The following NEB variants were observed in gnomAD, a reference collection of about 807,000 sequenced individuals.
NEB encodes nemaline myopathy type 2.
Under a neutral mutation model 952.2 loss-of-function variants are expected in NEB, and 512 were observed. The observed-to-expected ratio is 0.54, with a 90% CI of 0.50 to 0.58. The LOEUF (loss-of-function observed/expected upper bound fraction) is 0.58, where lower values mean the gene tolerates loss of function less well. Ranked by LOEUF, NEB falls within the 20% of genes least tolerant of loss-of-function variation. The probability of loss-of-function intolerance (pLI) is 0.00; values close to 1 mark genes in which losing one functional copy is unlikely to be tolerated. For synonymous variants in NEB, 2,900 were observed against 3,149.8 expected (o/e 0.92, Z 2.66); for missense variants, 8,428 against 9,231.1 (o/e 0.91, Z 3.56).
intron 172 of NEB, 67 bp downstream of exon 172, chr2:151,496,874 A>ATTATT: frequency 1.4e-6 from 2 of 1,434,964 alleles, no homozygotes; most frequent in East Asian, 2.5e-5. Flanking sequence ...ATTAATATGT[A>ATTATT]TTATTTTAAA....
At chr2:151,654,153 T>C in intron 51 of NEB, 54 bp from the exon 52 acceptor site, 6 of 1,135,906 alleles carry the variant, frequency 5.3e-6, no homozygotes, top group Non-Finnish European at 7.4e-6. Context: ...AGAATATCAA[T>C]AGATTATTAG....
rs1185764590 is a variant in NEB, at chr2:151,640,128, G to A, written c.8686-68C>T. 2.6e-6 allele frequency: 4 copies of A among 1,548,288 alleles called. No homozygotes were observed. In the South Asian group the frequency reaches 3.4e-5, roughly 13 times the overall value. On this transcript the variant is annotated intron_variant, in intron 61 of 181. Transcript: ENST00000397345. ...CAATGCATTTTCATCTGAAGGATAA[G>A]AGATCAAGTAAAAGCACTCTCAAAA...
At chr2:151,696,858 AT>A (rs1255808607) in intron 16 of NEB, 123 bp from the exon 17 acceptor site, 2 of 708,864 alleles carry the variant, frequency 2.8e-6, no homozygotes, top group South Asian at 4.1e-5. Flanking sequence ...AATAAAATAT[AT>A]TTTTTTCTAA....
At chr2:151,620,592 C>A (rs1186313916) in intron 72 of NEB, among the ~76,000 whole-genome samples, 2 of 151,934 alleles carry the variant, frequency 1.3e-5, no homozygotes, top group African/African-American at 4.8e-5. Flanking sequence ...AAGCCTGCTT[C>A]TTTTCTGGCA....
chr2:151,548,702 C>G (rs1427663831), intron 130 of NEB, among the ~76,000 whole-genome samples: 2 of 152,074 alleles, frequency 1.3e-5, no homozygotes, highest in Non-Finnish European at 2.9e-5. Context: ...ATTTTTAGCC[C>G]CAGTGTGGCT....
chr2:151,496,194 G>T, intron 173 of NEB, 82 bp downstream of exon 173: 1 of 1,368,046 alleles, frequency 7.3e-7, no homozygotes, highest in African/African-American at 1.5e-5. Flanking sequence ...TCTTTAAAAA[G>T]TAGGATTAAT....
chr2:151,734,099 G>C (rs140306917), intron 1 of NEB, among the ~76,000 whole-genome samples: 3 of 152,152 alleles, frequency 2.0e-5, no homozygotes, highest in Non-Finnish European at 1.5e-5. Flanking sequence ...GTAGAGCAGC[G>C]TATCTTCTTT....
chr2:151,489,425 G>T (rs1428830355), intron 181 of NEB, among the ~76,000 whole-genome samples: 1 of 152,108 alleles, frequency 6.6e-6, no homozygotes, highest in Non-Finnish European at 1.5e-5. Context: ...TTGAGACAGG[G>T]TCTCCCTCTG....
intron 54 of NEB, among the ~76,000 whole-genome samples, chr2:151,648,505 G>C (rs1177225740): frequency 6.6e-6 from 1 of 152,178 alleles, no homozygotes; most frequent in East Asian, 1.9e-4. Flanking sequence ...TTGTGGTGAA[G>C]TCAGGGCCTT....
At chr2:151,635,811 C>T (rs1448844186) in intron 64 of NEB, among the ~76,000 whole-genome samples, 1 of 152,050 alleles carries the variant, frequency 6.6e-6, no homozygotes, top group East Asian at 1.9e-4. Flanking sequence ...GCAAGCACCG[C>T]ATGTGTTTTA....
Position 151,672,472 on chromosome 2 carries a change from A to T in NEB, c.4196T>A (p.Val1399Asp), listed in dbSNP as rs1240572744. 3 of 1,614,034 alleles carry T rather than the reference A, an allele frequency of 1.9e-6. No individual in the cohort carries two copies. Among genetic ancestry groups the T allele is most frequent in the Non-Finnish European group, 1.7e-6 (2 of 1,179,880 alleles). The stretch of plus-strand genomic sequence containing the variant: ...CTGTTTGTAGTTGACATTGGTAGCG[A>T]CATCCTGGGCCATCTTTGCAGCTGT... ...SITAAKMAQD[V>D]ATNVNYKQPL... is the part of the protein sequence containing the mutation. The change falls in exon 37 of 182, where the codon GTC becomes GAC. Residue 1399 changes from valine to aspartate, a missense_variant. Transcript: ENST00000397345.
chr2:151,543,213 A>C (rs2094297552), intron 135 of NEB, among the ~76,000 whole-genome samples: 1 of 152,248 alleles, frequency 6.6e-6, no homozygotes, highest in Non-Finnish European at 1.5e-5. Flanking sequence ...GAAGGAATTT[A>C]ATGTAATGCG....
Position 151,562,637 on chromosome 2 carries a change from G to C in NEB, c.18865C>G (p.Arg6289Gly). Reference sequence around the variant, plus strand: ...TCACTCAAGATCTCCTGGGCGTTTCGGACGCGTATAACATTGGGTTCTTCC... The same window carrying C: ...TCACTCAAGATCTCCTGGGCGTTTCCGACGCGTATAACATTGGGTTCTTCC... ...LLEEPNVIRVRNAQEILSDNV... is the reference protein window; with the variant it reads ...LLEEPNVIRVGNAQEILSDNV... The change falls in exon 120 of 182, where the codon CGA becomes GGA. Residue 6289 changes from arginine (R) to glycine (G), a missense_variant. Physicochemically the swap from Arg to Gly is moderately radical, Grantham distance 125. This residue lies in a region of NEB where 3,374 missense variants were observed against 3,651.5 expected (regional missense o/e 0.92). Coordinates refer to ENST00000397345, the MANE Select transcript of NEB (RefSeq NM_001164508.2). 1.9e-6 allele frequency: 3 copies of C among 1,580,872 alleles called. No individual in the cohort carries two copies. The highest frequency in any genetic ancestry group is 2.6e-6 in the Non-Finnish European group (3 of 1,155,246).
chr2:151,485,583 G>A lies in NEB; in HGVS notation c.*177C>T. On this transcript the variant is annotated 3_prime_UTR_variant, in exon 182 of 182. Transcript: ENST00000397345. Reference sequence around the variant, plus strand: ...ATAATATTGCAGAAGCTTTTAAAGTGTCTGTTCTGCAACTTATTTTAAAAC... The same window carrying A: ...ATAATATTGCAGAAGCTTTTAAAGTATCTGTTCTGCAACTTATTTTAAAAC... 1 of 495,886 alleles carries A rather than the reference G, an allele frequency of 2.0e-6. No individual in the cohort carries two copies. Among genetic ancestry groups the A allele is most frequent in the Non-Finnish European group, 3.5e-6 (1 of 287,770 alleles). 30.7% of individuals were successfully genotyped at this position (495,886 alleles called of 1,614,324 possible).
At chr2:151,512,910 G>C in intron 160 of NEB, 73 bp from the exon 161 acceptor site, 2 of 976,298 alleles carry the variant, frequency 2.0e-6, no homozygotes, top group Non-Finnish European at 3.2e-6. Context: ...ATTTGATTAA[G>C]AGGTGAGCCA....
chr2:151,593,674 C>CA (rs1478269471), intron 93 of NEB, among the ~76,000 whole-genome samples: 1 of 100,950 alleles, frequency 9.9e-6, no homozygotes, highest in African/African-American at 3.2e-5. Flanking sequence ...GTCAAGTAAA[C>CA]ATGAAATCCA....
At chr2:151,537,317 A>G in intron 140 of NEB, 81 bp from the exon 141 acceptor site, 1 of 769,504 alleles carries the variant, frequency 1.3e-6, no homozygotes, top group Non-Finnish European at 2.3e-6. Flanking sequence ...AGTGGAACAA[A>G]CAGAAGCACT....
chr2:151,541,807 T>C (rs1037244139), intron 135 of NEB, among the ~76,000 whole-genome samples: 1 of 152,212 alleles, frequency 6.6e-6, no homozygotes, highest in African/African-American at 2.4e-5. Context: ...CCATTTGCAG[T>C]TGTCCCTTCT....
In NEB at chr2:151,519,735, C is replaced by T. The variant is rs777469560; in HGVS notation, c.22513G>A (p.Gly7505Ser). ...TTTGGATTGTATTTTGGTGTCTTGC[C>T]CTTTTCTTTATCGAAATTTTCTCGG... ...KYRENFDKEK[G>S]KTPKYNPKDS... The change falls in exon 154 of 182, where the codon GGC (glycine) becomes AGC (serine). Residue 7505 changes from glycine to serine, a missense_variant. Physicochemically the swap from Gly to Ser is moderately conservative, Grantham distance 56. Coordinates refer to ENST00000397345, the MANE Select transcript of NEB (RefSeq NM_001164508.2). 6.2e-6 allele frequency: 10 copies of T among 1,612,634 alleles called. No individual in the cohort carries two copies. Among genetic ancestry groups the T allele is most frequent in the Middle Eastern group, 1.7e-4 (1 of 6,054 alleles).
Sources: allele counts gnomAD v4.1 joint callset (sites outside exome capture counted in the v4.1 genomes callset), GRCh38; gene constraint gnomAD v4.1.1; regional missense constraint gnomAD v4.1.1; transcripts MANE v1.5; gene names NCBI Gene and HGNC (gene_info 2026-07-23, HGNC 2026-07-21).